COL6A6: variants seen among roughly 807,000 people sequenced by gnomAD.
COL6A6 encodes the protein collagen alpha-6(VI) chain.
Under a neutral mutation model 208.6 loss-of-function variants are expected in COL6A6, and 183 were observed. The ratio of observed to expected loss-of-function variants is 0.88; its 90% CI spans 0.78 to 0.99. The LOEUF is 0.99. COL6A6 is among the 50% of genes least tolerant of loss of function. COL6A6 has a pLI of 0.00. For missense variants in COL6A6, 2,816 were observed against 2,815.2 expected (o/e 1.00, Z -0.01); for synonymous variants, 973 against 1,011.8 (o/e 0.96, Z 0.73).
chr3:130,535,126 TTC>T (rs1255069825), intron 1 of COL6A6, among the ~76,000 whole-genome samples: 2 of 68,842 alleles, frequency 2.9e-5, no homozygotes, highest in Non-Finnish European at 1.2e-4. Flanking sequence ...ATTCTCTTTT[TTC>T]CCCCTCACTA....
At chr3:130,545,785 A>G (rs1162541903) in intron 1 of COL6A6, among the ~76,000 whole-genome samples, 2 of 152,018 alleles carry the variant, frequency 1.3e-5, no homozygotes, top group Middle Eastern at 3.2e-3. Flanking sequence ...CTGATTGTCT[A>G]TGGTTTGAAA....
Position 130,565,493 on chromosome 3 carries a change from C to G in COL6A6, c.1161C>G (p.Val387=). 6.2e-7 allele frequency: 1 copy of G among 1,614,034 alleles called. No individual in the cohort carries two copies. The highest frequency in any genetic ancestry group is 8.5e-7 in the Non-Finnish European group (1 of 1,179,886). ...KIASHPAEQY[V]SKLKTFADLA... ...CATCCCACCCTGCTGAGCAGTATGT[C>G]TCCAAACTGAAGACCTTCGCTGACC... Residue 387 remains valine (V), a synonymous_variant, in exon 4 of 37, where the codon GTC becomes GTG. Transcript: ENST00000358511.
intron 34 of COL6A6, among the ~76,000 whole-genome samples, chr3:130,660,663 T>G (rs2108453447): frequency 6.6e-6 from 1 of 152,380 alleles, no homozygotes; most frequent in South Asian, 2.1e-4. Context: ...AGAACTATGC[T>G]GAACTGAAGC....
intron 31 of COL6A6, 133 bp downstream of exon 31, chr3:130,643,156 T>C (rs2065368531): frequency 1.1e-6 from 1 of 935,464 alleles, no homozygotes. Flanking sequence ...TATTTTTGAG[T>C]CAGCATAGAC....
At chr3:130,529,355 G>A (rs1328600377) in intron 1 of COL6A6, among the ~76,000 whole-genome samples, 5 of 150,516 alleles carry the variant, frequency 3.3e-5, no homozygotes, top group African/African-American at 1.2e-4. Flanking sequence ...TTTCATGCAT[G>A]TTAAAATCAG....
intron 36 of COL6A6, among the ~76,000 whole-genome samples, chr3:130,673,044 T>G (rs972399886): frequency 7.6e-6 from 1 of 132,422 alleles, no homozygotes; most frequent in South Asian, 2.4e-4. Context: ...TTGGGTGTGG[T>G]GGTGGGTGCC....
At chr3:130,610,628 G>A (rs764074118) in intron 22 of COL6A6, 21 bp from the exon 23 acceptor site, 1 of 1,548,608 alleles carries the variant, frequency 6.5e-7, no homozygotes, top group Non-Finnish European at 8.8e-7. Flanking sequence ...AAAAAATAAT[G>A]CTTTAATTCT....
At chr3:130,573,341 T>G (rs1212136555) in intron 7 of COL6A6, among the ~76,000 whole-genome samples, 1 of 152,162 alleles carries the variant, frequency 6.6e-6, no homozygotes, top group African/African-American at 2.4e-5. Context: ...GAGAACAAGT[T>G]TTCCATAGCG....
chr3:130,594,375 G>A (rs77967786), intron 18 of COL6A6, 32 bp downstream of exon 18: 75,584 of 1,571,866 alleles, frequency 0.048, 2,132 homozygotes, highest in Non-Finnish European at 0.056. Flanking sequence ...TGGAGTTAGG[G>A]CTTGATTCCC....
chr3:130,673,191 CAAAA>C (rs1177930383), intron 36 of COL6A6, among the ~76,000 whole-genome samples: 1 of 62,394 alleles, frequency 1.6e-5, no homozygotes, highest in Non-Finnish European at 2.9e-5. Flanking sequence ...AAAAAAAAAA[CAAAA>C]AAACAAAAAA....
At chr3:130,559,610 A>G (rs928801506) in intron 1 of COL6A6, among the ~76,000 whole-genome samples, 5 of 152,230 alleles carry the variant, frequency 3.3e-5, no homozygotes, top group Non-Finnish European at 7.3e-5. Context: ...AAATAAGCCC[A>G]ACCTGCTTCA....
intron 13 of COL6A6, 110 bp downstream of exon 13, chr3:130,591,204 T>C: frequency 1.2e-6 from 1 of 820,600 alleles, no homozygotes; most frequent in Non-Finnish European, 2.0e-6. Context: ...TAAGGATTCG[T>C]GTACAGAATC....
intron 6 of COL6A6, among the ~76,000 whole-genome samples, chr3:130,569,655 C>T (rs975914508): frequency 2.6e-5 from 4 of 152,152 alleles, no homozygotes; most frequent in African/African-American, 9.7e-5. Context: ...TAACTTCGCC[C>T]AGAACAAATA....
intron 7 of COL6A6, among the ~76,000 whole-genome samples, chr3:130,571,736 A>C (rs778585823): frequency 2.2e-4 from 34 of 151,766 alleles, no homozygotes; most frequent in Non-Finnish European, 3.8e-4. Flanking sequence ...GTGCAGTAGC[A>C]TGATCACGGC....
At chr3:130,627,190 C>A in intron 25 of COL6A6, 129 bp from the exon 26 acceptor site, 1 of 769,934 alleles carries the variant, frequency 1.3e-6, no homozygotes, top group Non-Finnish European at 2.2e-6. Flanking sequence ...GTGGCCTGCC[C>A]TAGAAGGAGG....
intron 6 of COL6A6, among the ~76,000 whole-genome samples, chr3:130,569,085 G>T (rs2063099539): frequency 6.6e-6 from 1 of 152,178 alleles, no homozygotes; most frequent in South Asian, 2.1e-4. Context: ...TCAGCCCTGT[G>T]TACCCTGTGT....
intron 20 of COL6A6, among the ~76,000 whole-genome samples, chr3:130,605,173 C>G (rs1427081631): frequency 6.6e-6 from 1 of 152,238 alleles, no homozygotes; most frequent in African/African-American, 2.4e-5. Flanking sequence ...TACCCATCCT[C>G]TGAAACACCC....
chr3:130,662,125 C>T lies in COL6A6; in HGVS notation c.6319C>T (p.Arg2107Ter), dbSNP rs754970794. The T allele has an allele frequency of 5.0e-5, 81 of 1,613,966 alleles. No individual in the cohort carries two copies. The highest frequency in any genetic ancestry group is 3.1e-4 in the South Asian group (28 of 91,074). The part of the protein sequence containing the change: ...DGEILKKESL[R>*]AKCQGYALFV... ...GGAAATCTTAAAGAAGGAATCCTTG[C>T]GAGCCAAATGTCAGGGATATGCCTT... Residue 2107 changes from arginine (R) to a stop codon, truncating the protein, a stop_gained, in exon 35 of 37, where the codon CGA (arginine) becomes TGA (stop). Coordinates refer to ENST00000358511, the MANE Select transcript of COL6A6 (RefSeq NM_001102608.3). LOFTEE classifies it high-confidence loss of function.
chr3:130,625,759 A>G (rs2064867265), intron 24 of COL6A6, among the ~76,000 whole-genome samples: 1 of 152,210 alleles, frequency 6.6e-6, no homozygotes, highest in Admixed American at 6.5e-5. Context: ...TGAATAAAGT[A>G]TGGGCTTTAG....
Sources: allele counts gnomAD v4.1 joint callset (sites outside exome capture counted in the v4.1 genomes callset), GRCh38; gene constraint gnomAD v4.1.1; transcripts MANE v1.5; gene names NCBI Gene and HGNC (gene_info 2026-07-23, HGNC 2026-07-21).